Variants in ZNF813 observed in about 807,000 individuals in gnomAD.
The protein encoded by ZNF813 is zinc finger protein 813.
Under a neutral mutation model 7.2 loss-of-function variants are expected in ZNF813, and 3 were observed. The observed-to-expected ratio is 0.42, with a 90% confidence interval of 0.19 to 1.08. The LOEUF (loss-of-function observed/expected upper bound fraction) is 1.08. Among genes scored for constraint, ZNF813 ranks in the 50% least tolerant of loss-of-function variants. The pLI, the probability that ZNF813 is intolerant of heterozygous loss-of-function variation, is 0.30. For missense variants in ZNF813, 714 were observed against 753.3 expected, an observed-to-expected ratio of 0.95 and a Z score of 0.61; for synonymous variants, 227 against 256.3, an observed-to-expected ratio of 0.89 and a Z score of 1.09.
chr19:53,482,116 G>A (rs1297258114), intron 1 of ZNF813, among the ~76,000 whole-genome samples: 1 of 152,138 alleles, frequency 6.6e-6, no homozygotes, highest in Middle Eastern at 3.2e-3. Flanking sequence ...ACGTGTCTGG[G>A]TATGGCTTTT....
chr19:53,488,865 T>C (rs1001505890), intron 3 of ZNF813, among the ~76,000 whole-genome samples: 1 of 152,234 alleles, frequency 6.6e-6, no homozygotes, highest in African/African-American at 2.4e-5. Context: ...GGGAATTGTT[T>C]AGAATTCTGC....
At chr19:53,470,357 A>T (rs2086352494) in intron 1 of ZNF813, among the ~76,000 whole-genome samples, 1 of 119,164 alleles carries the variant, frequency 8.4e-6, no homozygotes, top group Non-Finnish European at 1.7e-5. Flanking sequence ...GGAGTGAATG[A>T]ATGCATATTT....
Position 53,492,682 on chromosome 19 carries a change from G to A in ZNF813, c.*596G>A. On this transcript the variant is annotated 3_prime_UTR_variant, in exon 4 of 4. Coordinates refer to ENST00000396403, the MANE Select transcript of ZNF813 (RefSeq NM_001004301.4). ...AACGCTACAACCATTGCAAATCATT[G>A]GAGAACCCATAAGGAAGAGAGATCA... The A allele has an allele frequency of 1.3e-6, 1 of 798,058 alleles. No homozygotes were observed. The highest frequency in any genetic ancestry group is 2.0e-6 in the Non-Finnish European group (1 of 501,070). The allele number at this position is 798,058 out of a possible 1,614,324, so 49.4% of individuals were successfully genotyped here. A position where few individuals can be genotyped will look rare whatever the true frequency, so the allele number is the denominator to read the frequency against.
At chr19:53,488,327 T>C in intron 3 of ZNF813, 1 of 428,272 alleles carries the variant, frequency 2.3e-6, no homozygotes, top group Non-Finnish European at 4.6e-6. Flanking sequence ...CCTGCCTGTC[T>C]GTCTTTTAAT....
chr19:53,470,560 TC>T lies in ZNF813; in HGVS notation c.-74+2773del, dbSNP rs533623961. On this transcript the variant is annotated intron_variant, in intron 1 of 3. Coordinates refer to ENST00000396403, the MANE Select transcript of ZNF813 (RefSeq NM_001004301.4). ...ATTGCTTCTATAGTTGATTGAATGT[TC>T]CTTAACAAGGAGAGGTAAGAGGTAA... Among the ~76,000 whole-genome samples, 42 of 128,350 alleles carry T rather than the reference TC, an allele frequency of 3.3e-4. 11 individuals carry two copies. Among genetic ancestry groups the T allele is most frequent in the African/African-American group, 1.2e-3 (40 of 32,288 alleles). The allele number at this position is 128,350 out of a possible 152,430, so 84.2% of individuals were successfully genotyped here.
At chr19:53,480,008 G>T in intron 1 of ZNF813, 1 of 763,260 alleles carries the variant, frequency 1.3e-6, no homozygotes, top group Non-Finnish European at 2.4e-6. Flanking sequence ...TGACTTGGAA[G>T]ATAAACTGAA....
chr19:53,468,476 G>C lies in ZNF813; in HGVS notation c.-74+687G>C, dbSNP rs955887198. ...ACCGGCGCTCAGCATACGGAGGACCGGCACCAGTGCCAGCCTCTGAGTTCC... is the reference window on the plus strand; with the variant it reads ...ACCGGCGCTCAGCATACGGAGGACCCGCACCAGTGCCAGCCTCTGAGTTCC... On this transcript the variant is annotated intron_variant, in intron 1 of 3. Transcript: ENST00000396403. Among the ~76,000 whole-genome samples, 13 of 152,294 alleles carry C rather than the reference G, an allele frequency of 8.5e-5. No homozygotes were observed. The East Asian group carries it at 2.5e-3, about 29-fold the overall frequency.
chr19:53,470,667 G>T (rs13343482), intron 1 of ZNF813, among the ~76,000 whole-genome samples: 26,258 of 114,538 alleles, frequency 0.23, 3,602 homozygotes, highest in African/African-American at 0.28. Context: ...AAAACCAGCC[G>T]CTAAAGAGGG....
intron 1 of ZNF813, among the ~76,000 whole-genome samples, chr19:53,482,711 T>TG (rs2086414409): frequency 1.1e-5 from 1 of 87,606 alleles, no homozygotes; most frequent in Non-Finnish European, 2.3e-5. Context: ...GAATGCTTTT[T>TG]GTTTTTTTTT....
chr19:53,485,222 G>A (rs1401061679), intron 2 of ZNF813, among the ~76,000 whole-genome samples: 8 of 152,154 alleles, frequency 5.3e-5, no homozygotes, highest in South Asian at 2.1e-4. Context: ...AAGGGTGATT[G>A]CTTCCTCTAG....
intron 3 of ZNF813, among the ~76,000 whole-genome samples, chr19:53,487,992 C>T (rs2086442075): frequency 6.6e-6 from 1 of 152,060 alleles, no homozygotes; most frequent in Non-Finnish European, 1.5e-5. Context: ...ACAACAGTTT[C>T]TGTATCTGTA....
chr19:53,481,103 G>T (rs116227180), intron 1 of ZNF813, among the ~76,000 whole-genome samples: 2,322 of 152,138 alleles, frequency 0.015, 56 homozygotes, highest in African/African-American at 0.053. Flanking sequence ...CATGTTCTGC[G>T]ACTTGAGATC....
In ZNF813 at chr19:53,479,722, T is replaced by G; in HGVS notation, c.-73-4028T>G. 7 of 1,182,448 alleles carry G rather than the reference T, an allele frequency of 5.9e-6. No individual in the cohort carries two copies. In the South Asian group the frequency reaches 7.3e-5, roughly 12 times the overall value. The allele number at this position is 1,182,448 out of a possible 1,614,324, so 73.2% of individuals were successfully genotyped here. ...TTGCAGATGAGGCAGATGGGAAGTA[T>G]GAAGAGGTGGCTCGTAAGTTGGTGA... On this transcript the variant is annotated intron_variant, in intron 1 of 3. Transcript: ENST00000396403.
In ZNF813 at chr19:53,482,712, G is replaced by GTTTTTTTTTTTT. The variant is rs869250512; in HGVS notation, c.-73-1022_-73-1011dup. ...ATCAATCACATCAGGAATGCTTTTTGTTTTTTTTTTTTTTTTTTTTTTTTT... is the reference window on the plus strand; with the variant it reads ...ATCAATCACATCAGGAATGCTTTTTGTTTTTTTTTTTTTTTTTTTTTTTTTTTTTTTTTTTTT... On this transcript the variant is annotated intron_variant, in intron 1 of 3. Coordinates refer to ENST00000396403, the MANE Select transcript of ZNF813 (RefSeq NM_001004301.4). Among the ~76,000 whole-genome samples, 4 of 89,090 alleles carry GTTTTTTTTTTTT rather than the reference G, an allele frequency of 4.5e-5. 1 individual carries two copies. Among genetic ancestry groups the GTTTTTTTTTTTT allele is most frequent in the African/African-American group, 9.3e-5 (2 of 21,422 alleles). The allele number at this position is 89,090 out of a possible 152,430, so 58.4% of individuals were successfully genotyped here. A position where few individuals can be genotyped will look rare whatever the true frequency, so the allele number is the denominator to read the frequency against.
chr19:53,478,680 A>G (rs1287704965), intron 1 of ZNF813, among the ~76,000 whole-genome samples: 13 of 152,130 alleles, frequency 8.5e-5, no homozygotes, highest in Admixed American at 6.5e-4. Flanking sequence ...GGGAAGGCCA[A>G]GGCACAAGAA....
chr19:53,474,656 T>C (rs942997075), intron 1 of ZNF813, among the ~76,000 whole-genome samples: 2 of 151,678 alleles, frequency 1.3e-5, no homozygotes, highest in African/African-American at 4.9e-5. Flanking sequence ...ACCACTGCAC[T>C]CCAGCCTGGG....
At chr19:53,467,857 G>C (rs1174825931) in intron 1 of ZNF813, 68 bp downstream of exon 1, 1 of 152,970 alleles carries the variant, frequency 6.5e-6, no homozygotes, top group Admixed American at 6.5e-5. Flanking sequence ...TACCTGGGGC[G>C]TGGGGTCCCC....
chr19:53,486,547 G>T (rs2086434906), intron 2 of ZNF813, 85 bp from the exon 3 acceptor site: 4 of 1,608,190 alleles, frequency 2.5e-6, no homozygotes, highest in Non-Finnish European at 1.7e-6. Context: ...TTAAATCCAT[G>T]CTTTCCCCTC....
intron 1 of ZNF813, among the ~76,000 whole-genome samples, chr19:53,468,457 G>A (rs2086339438): frequency 6.6e-6 from 1 of 152,180 alleles, no homozygotes. Context: ...GGGGACCGGC[G>A]CTCAGCATAC....
Sources: allele counts gnomAD v4.1 joint callset (sites outside exome capture counted in the v4.1 genomes callset), GRCh38; gene constraint gnomAD v4.1.1; transcripts MANE v1.5; gene names NCBI Gene and HGNC (gene_info 2026-07-23, HGNC 2026-07-21).